EYA1: variants seen among roughly 807,000 people sequenced by gnomAD.
EYA1 encodes the protein protein phosphatase EYA1.
A neutral mutation model predicts 82.0 loss-of-function variants in EYA1; 16 were observed. That is an observed-to-expected ratio of 0.20 (90% CI 0.13 to 0.30). The LOEUF (loss-of-function observed/expected upper bound fraction) is 0.30, where lower values mean the gene tolerates loss of function less well. Among genes scored for constraint, EYA1 ranks in the 10% least tolerant of loss-of-function variants. EYA1 has a pLI of 1.00. For synonymous variants in EYA1, 261 were observed against 264.4 expected (o/e 0.99, Z 0.12); for missense variants, 633 against 730.7 (o/e 0.87, Z 1.54).
chr8:71,465,138 T>G (rs1204538326), intron 2 of EYA1, among the ~76,000 whole-genome samples: 1 of 152,248 alleles, frequency 6.6e-6, no homozygotes, highest in Non-Finnish European at 1.5e-5. Flanking sequence ...TACTGCCCAC[T>G]TTCTTCAGAA....
At chr8:71,420,510 T>C (rs1457207108) in intron 2 of EYA1, among the ~76,000 whole-genome samples, 1 of 152,216 alleles carries the variant, frequency 6.6e-6, no homozygotes, top group African/African-American at 2.4e-5. Flanking sequence ...TATGTACCAC[T>C]ATGTCTACTT....
rs1822599062 is a variant in EYA1 at position 71,321,884 on chromosome 8, T to C, written c.273-5A>G. 1 of 1,614,110 alleles carries C rather than the reference T, an allele frequency of 6.2e-7. No individual in the cohort carries two copies. The highest frequency in any genetic ancestry group is 1.3e-5 in the African/African-American group (1 of 74,942). On this transcript the variant is annotated splice_polypyrimidine_tract_variant and splice_region_variant and intron_variant, in intron 5 of 17. Transcript: ENST00000340726. ...AGAATATGTGGGTATGGTCTGCTAT[T>C]TGTCAGAAATGACAGAAAATAGAAA...
intron 2 of EYA1, among the ~76,000 whole-genome samples, chr8:71,507,492 C>G (rs190969787): frequency 2.0e-5 from 3 of 152,132 alleles, no homozygotes; most frequent in African/African-American, 7.2e-5. Flanking sequence ...ACAACACCTA[C>G]GGGGGGAAAT....
intron 1 of EYA1, among the ~76,000 whole-genome samples, chr8:71,543,625 C>G (rs1004587379): frequency 5.9e-5 from 9 of 152,058 alleles, no homozygotes; most frequent in African/African-American, 2.2e-4. Context: ...GCTGTTTATC[C>G]ACCAATATCC....
At chr8:71,481,776 T>C (rs1810181684) in intron 2 of EYA1, among the ~76,000 whole-genome samples, 1 of 151,892 alleles carries the variant, frequency 6.6e-6, no homozygotes, top group South Asian at 2.1e-4. Flanking sequence ...ATATGGGAAA[T>C]TGAAGCCAGG....
At position 71,354,920 on chromosome 8, in the gene EYA1, G is replaced by A; in HGVS notation, c.-4-11C>T. On this transcript the variant is annotated splice_polypyrimidine_tract_variant and intron_variant, in intron 2 of 17. Coordinates refer to ENST00000340726, the MANE Select transcript of EYA1 (RefSeq NM_000503.6). Reference sequence around the variant, plus strand: ...TGCATTTCCATAGACCTAAAGACAAGAAGCCTTCCATTTGACAGATGTACC... The same window carrying A: ...TGCATTTCCATAGACCTAAAGACAAAAAGCCTTCCATTTGACAGATGTACC... 1 of 1,612,320 alleles carries A rather than the reference G, an allele frequency of 6.2e-7. No individual in the cohort carries two copies. The highest frequency in any genetic ancestry group is 8.5e-7 in the Non-Finnish European group (1 of 1,178,840).
At chr8:71,343,279 C>G (rs181685713) in intron 3 of EYA1, among the ~76,000 whole-genome samples, 1 of 152,282 alleles carries the variant, frequency 6.6e-6, no homozygotes, top group Admixed American at 6.5e-5. Context: ...AGTGCTTTCT[C>G]CCCCTTCTCC....
chr8:71,269,538 C>T (rs981086253), intron 11 of EYA1, among the ~76,000 whole-genome samples: 2 of 152,162 alleles, frequency 1.3e-5, no homozygotes, highest in Admixed American at 6.5e-5. Context: ...CAAAGTGTAT[C>T]TTATTGCCAA....
chr8:71,436,060 G>A (rs1805988352), intron 2 of EYA1, among the ~76,000 whole-genome samples: 1 of 151,990 alleles, frequency 6.6e-6, no homozygotes, highest in Admixed American at 6.6e-5. Flanking sequence ...TTTTAAAATT[G>A]TAGCACATGA....
At chr8:71,345,066 C>T (rs1825555555) in intron 3 of EYA1, among the ~76,000 whole-genome samples, 1 of 152,298 alleles carries the variant, frequency 6.6e-6, no homozygotes, top group South Asian at 2.1e-4. Flanking sequence ...ATCTTTTCCT[C>T]ACCTGGAGAC....
chr8:71,453,766 G>A (rs982627533), intron 2 of EYA1, among the ~76,000 whole-genome samples: 5 of 151,932 alleles, frequency 3.3e-5, no homozygotes, highest in African/African-American at 9.7e-5. Context: ...CGCTCCTGAA[G>A]GAAACACTAA....
chr8:71,520,822 G>T (rs1426877664), intron 2 of EYA1, among the ~76,000 whole-genome samples: 3 of 151,994 alleles, frequency 2.0e-5, no homozygotes, highest in Non-Finnish European at 4.4e-5. Context: ...ATATATGCGT[G>T]CAAAATAACC....
At chr8:71,361,372 G>T (rs1827360378) in intron 1 of EYA1, among the ~76,000 whole-genome samples, 1 of 152,136 alleles carries the variant, frequency 6.6e-6, no homozygotes, top group Non-Finnish European at 1.5e-5. Context: ...TTTATCTAGA[G>T]CATAACAAAA....
rs150136620 is a variant in EYA1, at chr8:71,432,162, T to C, written c.34-75651A>G. On this transcript the variant is annotated intron_variant, in intron 2 of 18. Coordinates refer to the EYA1 transcript ENST00000643681. ...TCCTAAATAGATAACAAGCCTCTTA[T>C]GGTTAAGAAGCATGTTTCTGTTCTG... Among the ~76,000 whole-genome samples the C allele has an allele frequency of 1.1e-3, 165 of 152,318 alleles. 3 individuals carry two copies. In the East Asian group the frequency reaches 0.021, roughly 19 times the overall value.
chr8:71,461,705 G>A (rs940425128), intron 2 of EYA1, among the ~76,000 whole-genome samples: 2 of 152,130 alleles, frequency 1.3e-5, no homozygotes, highest in African/African-American at 4.8e-5. Context: ...AATGAGGTAC[G>A]CAGACAAGTG....
At chr8:71,543,432 A>C (rs1443758197) in intron 1 of EYA1, among the ~76,000 whole-genome samples, 2 of 152,190 alleles carry the variant, frequency 1.3e-5, no homozygotes, top group Non-Finnish European at 2.9e-5. Flanking sequence ...AACAAAGTTG[A>C]GTTTTAAAAA....
intron 9 of EYA1, among the ~76,000 whole-genome samples, chr8:71,287,864 T>C (rs1818556799): frequency 6.6e-6 from 1 of 152,226 alleles, no homozygotes; most frequent in African/African-American, 2.4e-5. Context: ...GAGGGCCTAA[T>C]ATGTATCAGT....
At chr8:71,313,459 G>A (rs1314316911) in intron 7 of EYA1, among the ~76,000 whole-genome samples, 1 of 152,160 alleles carries the variant, frequency 6.6e-6, no homozygotes, top group East Asian at 1.9e-4. Flanking sequence ...ATTCCAGAAA[G>A]CTGGACCATA....
At chr8:71,284,471 T>C (rs1019921179) in intron 9 of EYA1, among the ~76,000 whole-genome samples, 4 of 152,248 alleles carry the variant, frequency 2.6e-5, no homozygotes, top group African/African-American at 7.2e-5. Context: ...TGATAGCTTA[T>C]AATTTATTCA....
Sources: allele counts gnomAD v4.1 joint callset (sites outside exome capture counted in the v4.1 genomes callset), GRCh38; gene constraint gnomAD v4.1.1; transcripts MANE v1.5; gene names NCBI Gene and HGNC (gene_info 2026-07-23, HGNC 2026-07-21).